Variants in METTL25 observed in about 807,000 individuals in gnomAD.
The protein encoded by METTL25 is probable methyltransferase-like protein 25.
METTL25 carries 64 observed loss-of-function variants against 71.6 expected under a neutral mutation model. The observed-to-expected ratio is 0.89, with a 90% CI of 0.73 to 1.10. The LOEUF is 1.10. METTL25 is among the 50% of genes least tolerant of loss of function. The probability of loss-of-function intolerance (pLI) is 0.00; values close to 1 mark genes in which losing one functional copy is unlikely to be tolerated. For synonymous variants in METTL25, 287 were observed against 250.3 expected (o/e 1.15, Z -1.38); for missense variants, 807 against 707.0 (o/e 1.14, Z -1.60).
At chr12:82,457,891 T>G (rs1891602064) in intron 9 of METTL25, among the ~76,000 whole-genome samples, 1 of 152,068 alleles carries the variant, frequency 6.6e-6, no homozygotes, top group Non-Finnish European at 1.5e-5. Flanking sequence ...CTAGGTTATT[T>G]TAAAAAAAAT....
intron 3 of METTL25, among the ~76,000 whole-genome samples, chr12:82,390,525 A>G (rs1262318568): frequency 1.3e-5 from 2 of 152,138 alleles, no homozygotes; most frequent in African/African-American, 4.8e-5. Flanking sequence ...TTATAAAAAT[A>G]GTAAGTTTTT....
In METTL25 at chr12:82,411,708, A is replaced by G. The variant is rs539589776; in HGVS notation, c.1279+8578A>G. On this transcript the variant is annotated intron_variant, in intron 5 of 11. Transcript: ENST00000248306. ...TTGCTCTTCTTAGCAAAGATAAGAA[A>G]CAGAAGAAGGTTAGAGAAAGTTTAT... Among the ~76,000 whole-genome samples the G allele has an allele frequency of 2.0e-5, 3 of 152,164 alleles. No homozygotes were observed. In the South Asian group the frequency reaches 6.2e-4, roughly 32 times the overall value.
chr12:82,471,285 G>C (rs1487415011), intron 9 of METTL25, among the ~76,000 whole-genome samples: 2 of 152,218 alleles, frequency 1.3e-5, no homozygotes, highest in African/African-American at 4.8e-5. Context: ...TGTGTGGTCA[G>C]GGCCCCACTA....
intron 7 of METTL25, among the ~76,000 whole-genome samples, chr12:82,435,452 G>A (rs1889845180): frequency 6.6e-6 from 1 of 151,420 alleles, no homozygotes; most frequent in African/African-American, 2.4e-5. Context: ...CATTTTGTAT[G>A]TAATTATCTT....
At chr12:82,378,040 G>C (rs1031622858) in intron 1 of METTL25, among the ~76,000 whole-genome samples, 1 of 151,736 alleles carries the variant, frequency 6.6e-6, no homozygotes, top group African/African-American at 2.4e-5. Flanking sequence ...CTGATTTCTT[G>C]TTAAGAAATA....
intron 5 of METTL25, among the ~76,000 whole-genome samples, chr12:82,416,002 T>C (rs191092800): frequency 2.0e-5 from 3 of 152,242 alleles, no homozygotes; most frequent in African/African-American, 7.2e-5. Flanking sequence ...CGTTTGTATT[T>C]TCTGGGAAAC....
intron 1 of METTL25, among the ~76,000 whole-genome samples, chr12:82,374,768 A>G (rs1247753839): frequency 6.6e-6 from 1 of 152,230 alleles, no homozygotes; most frequent in Non-Finnish European, 1.5e-5. Context: ...AGAAACATGG[A>G]GCAAAGTATT....
intron 1 of METTL25, among the ~76,000 whole-genome samples, chr12:82,386,436 T>G (rs1480823712): frequency 5.0e-5 from 5 of 99,842 alleles, no homozygotes; most frequent in Admixed American, 1.0e-4. Context: ...CCTTCCTCCC[T>G]CCCTCCCTCC....
chr12:82,403,443 A>G (rs940538775), intron 5 of METTL25, among the ~76,000 whole-genome samples: 1 of 152,158 alleles, frequency 6.6e-6, no homozygotes, highest in African/African-American at 2.4e-5. Flanking sequence ...TGAAGTATAC[A>G]TTTACTGAGT....
chr12:82,365,848 C>T (rs1006598505), intron 1 of METTL25, among the ~76,000 whole-genome samples: 4 of 152,104 alleles, frequency 2.6e-5, no homozygotes, highest in Admixed American at 2.0e-4. Context: ...TTTGGGAGGC[C>T]GAGGCGGGGG....
intron 9 of METTL25, among the ~76,000 whole-genome samples, chr12:82,473,859 C>G (rs1445524099): frequency 1.3e-5 from 2 of 152,086 alleles, no homozygotes; most frequent in Non-Finnish European, 2.9e-5. Flanking sequence ...AATCCTGGAC[C>G]CAGGCCCCAT....
At chr12:82,378,454 C>G (rs968357030) in intron 1 of METTL25, among the ~76,000 whole-genome samples, 2 of 152,186 alleles carry the variant, frequency 1.3e-5, no homozygotes, top group African/African-American at 4.8e-5. Flanking sequence ...AGACCTTTCA[C>G]TTCTTCCTTT....
chr12:82,426,852 GTTCCCATGGAAAAATTTT>G (rs780591410), intron 5 of METTL25, among the ~76,000 whole-genome samples: 5 of 151,840 alleles, frequency 3.3e-5, no homozygotes, highest in Non-Finnish European at 5.9e-5. Context: ...CCAGAACTCT[GTTCCCATGGAAAAATTTT>G]CACCCCATCT....
intron 5 of METTL25, chr12:82,407,877 A>G: frequency 1.0e-6 from 1 of 985,280 alleles, no homozygotes; most frequent in Non-Finnish European, 1.2e-6. Context: ...AAAAGGTAAC[A>G]TACTCCCTTT....
chr12:82,404,361 T>G (rs1054980514), intron 5 of METTL25, among the ~76,000 whole-genome samples: 1 of 151,904 alleles, frequency 6.6e-6, no homozygotes, highest in African/African-American at 2.4e-5. Context: ...AAAAATGAAC[T>G]TAGAAAAAAA....
At chr12:82,413,857 TAAG>T (rs1887747821) in intron 5 of METTL25, among the ~76,000 whole-genome samples, 1 of 151,876 alleles carries the variant, frequency 6.6e-6, no homozygotes, top group Admixed American at 6.6e-5. Flanking sequence ...TGGATGATAA[TAAG>T]AAATTTTTGA....
chr12:82,366,639 T>G (rs1469110329), intron 1 of METTL25, among the ~76,000 whole-genome samples: 5 of 152,158 alleles, frequency 3.3e-5, no homozygotes, highest in Admixed American at 6.5e-5. Flanking sequence ...GTTTTTATTG[T>G]TGGTGGTGGT....
intron 8 of METTL25, among the ~76,000 whole-genome samples, chr12:82,439,443 GTTA>G: frequency 6.6e-6 from 1 of 151,750 alleles, no homozygotes; most frequent in Non-Finnish European, 1.5e-5. Flanking sequence ...GATTCTGATA[GTTA>G]TTTGGTATAA....
Position 82,361,107 on chromosome 12 carries a change from T to A in METTL25, c.259+2283T>A, listed in dbSNP as rs898315787. On this transcript the variant is annotated intron_variant, in intron 1 of 11. Transcript: ENST00000248306. ...TCTGACCCCACCCACATCCTGCCGA[T>A]TGGTCCATTTTACAGAGAGCTGATT... Among the ~76,000 whole-genome samples, 5 of 152,140 alleles carry A rather than the reference T, an allele frequency of 3.3e-5. No individual in the cohort carries two copies. In the East Asian group the frequency reaches 5.8e-4, roughly 18 times the overall value.
Sources: gnomAD v4.1 joint callset for allele counts (sites outside exome capture counted in the v4.1 genomes callset) on GRCh38, gnomAD v4.1.1 for gene constraint, MANE v1.5 for transcripts, NCBI Gene and HGNC (gene_info 2026-07-23, HGNC 2026-07-21) for gene names.